Variants in CNTNAP2 observed in about 807,000 individuals in gnomAD.
CNTNAP2 encodes contactin-associated protein-like 2.
Under a neutral mutation model 155.2 loss-of-function variants are expected in CNTNAP2, and 98 were observed. The ratio of observed to expected loss-of-function variants is 0.63; its 90% CI spans 0.54 to 0.75. The LOEUF is 0.75. Among genes scored for constraint, CNTNAP2 ranks in the 30% least tolerant of loss-of-function variants. The pLI is 0.00. For missense variants in CNTNAP2, 1,727 were observed against 1,688.1 expected, an observed-to-expected ratio of 1.02 and a Z score of -0.40; for synonymous variants, 651 against 631.2, an observed-to-expected ratio of 1.03 and a Z score of -0.47.
At chr7:148,398,098 T>TA (rs1799508238) in intron 22 of CNTNAP2, among the ~76,000 whole-genome samples, 1 of 152,188 alleles carries the variant, frequency 6.6e-6, no homozygotes, top group Non-Finnish European at 1.5e-5. Flanking sequence ...ATAAAAGACT[T>TA]AAAATATGTG....
intron 4 of CNTNAP2, among the ~76,000 whole-genome samples, chr7:147,065,252 A>T (rs1285690154): frequency 6.6e-6 from 1 of 152,190 alleles, no homozygotes; most frequent in Admixed American, 6.5e-5. Context: ...TGAAAAGTTT[A>T]ATGGAAAATG....
intron 1 of CNTNAP2, among the ~76,000 whole-genome samples, chr7:146,162,994 C>CT (rs1355960846): frequency 1.3e-5 from 2 of 152,004 alleles, no homozygotes; most frequent in African/African-American, 2.4e-5. Flanking sequence ...ACATCACACA[C>CT]TGGGGTCTGT....
Position 147,868,138 on chromosome 7 carries a change from GA to G in CNTNAP2, c.2099-35426del, listed in dbSNP as rs1184803559. On this transcript the variant is annotated intron_variant, in intron 13 of 23. Coordinates refer to ENST00000361727, the MANE Select transcript of CNTNAP2 (RefSeq NM_014141.6). ...GACCTACAGATGGGGTTTTGGTGTG[GA>G]TATCCTTTTTGTTGATGTTGATGCT... is the stretch of plus-strand genomic sequence containing the variant. 7.2e-5 allele frequency among the ~76,000 whole-genome samples: 11 copies of G among 152,118 alleles called. No homozygotes were observed. In the East Asian group the frequency reaches 1.4e-3, roughly 19 times the overall value.
At chr7:147,966,036 C>G (rs1036322030) in intron 14 of CNTNAP2, among the ~76,000 whole-genome samples, 1 of 152,030 alleles carries the variant, frequency 6.6e-6, no homozygotes, top group African/African-American at 2.4e-5. Context: ...ACTAGGGGAG[C>G]AAAATGACCT....
chr7:147,333,984 T>C (rs1246191218), intron 9 of CNTNAP2, among the ~76,000 whole-genome samples: 1 of 152,116 alleles, frequency 6.6e-6, no homozygotes, highest in African/African-American at 2.4e-5. Context: ...TGAGACACAA[T>C]TGTTTTCTGT....
chr7:147,465,366 C>G (rs144815782), intron 10 of CNTNAP2, among the ~76,000 whole-genome samples: 1 of 152,132 alleles, frequency 6.6e-6, no homozygotes, highest in African/African-American at 2.4e-5. Context: ...TCATCTACAG[C>G]TCTTATAAAT....
At chr7:146,145,424 G>C (rs1348420375) in intron 1 of CNTNAP2, among the ~76,000 whole-genome samples, 1 of 152,182 alleles carries the variant, frequency 6.6e-6, no homozygotes. Context: ...TATTAGTAAG[G>C]AAGGAAAAGA....
chr7:147,308,790 A>T (rs1795075607), intron 9 of CNTNAP2, among the ~76,000 whole-genome samples: 1 of 152,124 alleles, frequency 6.6e-6, no homozygotes, highest in African/African-American at 2.4e-5. Context: ...GTTTCTTTTG[A>T]TGGGTTCTCA....
At chr7:148,288,045 C>G (rs1430182812) in intron 21 of CNTNAP2, among the ~76,000 whole-genome samples, 1 of 151,576 alleles carries the variant, frequency 6.6e-6, no homozygotes, top group Non-Finnish European at 1.5e-5. Flanking sequence ...CCGCCTTGGC[C>G]CCCCAAAGTG....
intron 12 of CNTNAP2, among the ~76,000 whole-genome samples, chr7:147,588,825 T>C (rs1800684282): frequency 6.6e-6 from 1 of 152,228 alleles, no homozygotes. Flanking sequence ...GACAGGGGCC[T>C]CATCACTTAC....
rs538715806 is a variant in CNTNAP2, at chr7:147,505,436, T to C, written c.1777+19395T>C. 6.4e-4 allele frequency among the ~76,000 whole-genome samples: 97 copies of C among 152,098 alleles called. 1 individual carries two copies. The highest frequency in any genetic ancestry group is 6.8e-3 in the Middle Eastern group (2 of 294). ...GATATCCAGCAGCGACATGCAAAAATCTCTTTTATTATTTTATAGCCACAC... is the reference window on the plus strand; with the variant it reads ...GATATCCAGCAGCGACATGCAAAAACCTCTTTTATTATTTTATAGCCACAC... On this transcript the variant is annotated intron_variant, in intron 11 of 23. Transcript: ENST00000361727.
chr7:146,337,794 A>G (rs570963075), intron 1 of CNTNAP2, among the ~76,000 whole-genome samples: 1 of 152,120 alleles, frequency 6.6e-6, no homozygotes. Flanking sequence ...TTTATTCATT[A>G]GTCTATGTAC....
intron 14 of CNTNAP2, among the ~76,000 whole-genome samples, chr7:147,966,127 CA>C (rs1487786179): frequency 6.6e-6 from 1 of 152,078 alleles, no homozygotes; most frequent in Non-Finnish European, 1.5e-5. Flanking sequence ...GTAATCGATA[CA>C]GGAATCACTT....
chr7:148,068,672 G>C (rs1046443031), intron 15 of CNTNAP2, among the ~76,000 whole-genome samples: 1 of 152,152 alleles, frequency 6.6e-6, no homozygotes, highest in Non-Finnish European at 1.5e-5. Context: ...TTCTAGGGCT[G>C]ATTTTTTCCC....
intron 1 of CNTNAP2, among the ~76,000 whole-genome samples, chr7:146,691,399 A>T (rs956193206): frequency 3.3e-5 from 5 of 152,136 alleles, no homozygotes; most frequent in African/African-American, 1.2e-4. Flanking sequence ...CTTACTGTAA[A>T]CATTCTCAGA....
At chr7:146,866,860 T>C (rs765385446) in intron 3 of CNTNAP2, among the ~76,000 whole-genome samples, 1 of 152,140 alleles carries the variant, frequency 6.6e-6, no homozygotes, top group Non-Finnish European at 1.5e-5. Context: ...GTAAACAAGA[T>C]AGATGTATAA....
At chr7:146,514,687 A>G (rs1367767279) in intron 1 of CNTNAP2, among the ~76,000 whole-genome samples, 1 of 151,226 alleles carries the variant, frequency 6.6e-6, no homozygotes, top group African/African-American at 2.4e-5. Flanking sequence ...CAGTAACTCA[A>G]CTCATACCAT....
intron 12 of CNTNAP2, among the ~76,000 whole-genome samples, chr7:147,626,029 G>A (rs1563027705): frequency 6.6e-6 from 1 of 152,144 alleles, no homozygotes; most frequent in Non-Finnish European, 1.5e-5. Context: ...TGAAGCCCAG[G>A]GAAGCCATCT....
intron 18 of CNTNAP2, among the ~76,000 whole-genome samples, chr7:148,178,114 C>T (rs887040723): frequency 2.0e-5 from 3 of 152,150 alleles, no homozygotes; most frequent in Admixed American, 2.0e-4. Context: ...ATCACCCAGG[C>T]TGCTGAAAAC....
Sources: allele counts gnomAD v4.1 joint callset (sites outside exome capture counted in the v4.1 genomes callset), GRCh38; gene constraint gnomAD v4.1.1; transcripts MANE v1.5; gene names NCBI Gene and HGNC (gene_info 2026-07-23, HGNC 2026-07-21).